The following TUBB8B variants were observed in gnomAD, a reference collection of about 807,000 sequenced individuals.
TUBB8B encodes the protein HSA18p11 beta-tubulin 4Q pseudogene.
TUBB8B carries 26 observed loss-of-function variants against 31.9 expected under a neutral mutation model. The observed-to-expected ratio is 0.81, with a 90% CI of 0.60 to 1.13. The LOEUF (loss-of-function observed/expected upper bound fraction) is 1.13, where lower values mean the gene tolerates loss of function less well. TUBB8B is among the 50% of genes most tolerant of loss of function. The pLI is 0.00. For synonymous variants in TUBB8B, 173 were observed against 231.0 expected (o/e 0.75, Z 2.28); for missense variants, 467 against 586.7 (o/e 0.80, Z 2.11).
At chr18:50,867 CAATT>C (rs1405251013), upstream of TUBB8B, among the ~76,000 whole-genome samples, 1 of 152,006 alleles carries the variant, frequency 6.6e-6, no homozygotes, top group Non-Finnish European at 1.5e-5. Flanking sequence ...ATGTCCTCTG[CAATT>C]AATTATAGTC....
the TUBB8B span, among the ~76,000 whole-genome samples, chr18:57,829 GGT>G: frequency 3.2e-3 from 486 of 151,972 alleles, 1 homozygote; most frequent in African/African-American, 0.011. Context: ...TTGAAGTAAA[GGT>G]GGAGGCTCCC....
At chr18:71,448 G>A in the TUBB8B span, among the ~76,000 whole-genome samples, 1 of 151,618 alleles carries the variant, frequency 6.6e-6, no homozygotes, top group Non-Finnish European at 1.5e-5. Context: ...TCAGGAGGCT[G>A]AGGTAGGAGA....
upstream of TUBB8B, chr18:49,916 CG>C (rs1406123861): frequency 6.1e-6 from 3 of 488,092 alleles, no homozygotes; most frequent in Middle Eastern, 6.0e-4. Flanking sequence ...TCCATATGCA[CG>C]GAGTGCCTTT....
At chr18:67,427 A>G in the TUBB8B span, among the ~76,000 whole-genome samples, 968 of 152,270 alleles carry the variant, frequency 6.4e-3, 6 homozygotes, top group Middle Eastern at 0.014. Flanking sequence ...TTCAGCATCA[A>G]TCTCCTGGGC....
At chr18:62,227 T>C in the TUBB8B span, among the ~76,000 whole-genome samples, 1 of 151,640 alleles carries the variant, frequency 6.6e-6, no homozygotes, top group African/African-American at 2.4e-5. Flanking sequence ...TTCCATTGAA[T>C]GTTATTTGTG....
Position 47,483 on chromosome 18 carries a change from G to A in TUBB8B, c.1242C>T (p.Asn414=), listed in dbSNP as rs1350309804. 3.9e-6 allele frequency: 6 copies of A among 1,535,286 alleles called. No homozygotes were observed. Among genetic ancestry groups the A allele is most frequent in the Non-Finnish European group, 5.4e-6 (6 of 1,111,454 alleles). Residue 414 remains asparagine (N), a synonymous_variant, in exon 4 of 4, where the codon AAC becomes AAT. Transcript: ENST00000308911. ...DEMEFTEAES[N]MNDLVSEYQQ... ...GATATTCAGACACCAGGTCGTTCAT[G>A]TTGCTCTCGGCCTCGGTGAATTCCA...
the TUBB8B span, among the ~76,000 whole-genome samples, chr18:65,713 G>A: frequency 6.6e-6 from 1 of 152,082 alleles, no homozygotes; most frequent in African/African-American, 2.4e-5. Context: ...ACAAATAGGA[G>A]AGAAAAGGAA....
chr18:60,925 T>A, the TUBB8B span, among the ~76,000 whole-genome samples: 3 of 151,800 alleles, frequency 2.0e-5, no homozygotes, highest in Non-Finnish European at 4.4e-5. Flanking sequence ...CAATGTGTAT[T>A]CTGCAGCTGT....
At chr18:73,022 G>A in the TUBB8B span, among the ~76,000 whole-genome samples, 1 of 152,000 alleles carries the variant, frequency 6.6e-6, no homozygotes, top group Admixed American at 6.6e-5. Context: ...CTGTTTCCTC[G>A]ACCTCAGGCT....
rs777749325 is a variant in TUBB8B, at chr18:49,153, T to TGGGGGGGA, written c.141_142insTCCCCCCC (p.Asn48SerfsTer68). On this transcript the variant is annotated frameshift_variant, in exon 2 of 4. Transcript: ENST00000308911. LOFTEE classifies it high-confidence loss of function. ...CCGCTGGCCTCGTGGTGGTGCACGT[T>TGGGGGGGA]GATGCGCTCCAGCTGCAGGTGGCTG... The TGGGGGGGA allele has an allele frequency of 6.9e-7, 1 of 1,450,694 alleles. No homozygotes were observed. The highest frequency in any genetic ancestry group is 1.2e-5 in the South Asian group (1 of 81,856). The allele number at this position is 1,450,694 out of a possible 1,614,324, so 89.9% of individuals were successfully genotyped here. A position where few individuals can be genotyped will look rare whatever the true frequency, so the allele number is the denominator to read the frequency against.
the TUBB8B span, among the ~76,000 whole-genome samples, chr18:65,105 C>G: frequency 6.6e-6 from 1 of 151,886 alleles, no homozygotes; most frequent in Non-Finnish European, 1.5e-5. Context: ...GTTTGAGACC[C>G]GTCTTGCCAA....
At chr18:64,814 C>T in the TUBB8B span, among the ~76,000 whole-genome samples, 1 of 152,120 alleles carries the variant, frequency 6.6e-6, no homozygotes. Flanking sequence ...CCTCATCAAA[C>T]TCTTCCCCGC....
At chr18:56,376 T>TA in the TUBB8B span, among the ~76,000 whole-genome samples, 38 of 151,988 alleles carry the variant, frequency 2.5e-4, 2 homozygotes, top group East Asian at 6.9e-3. Context: ...GTTATTTTGA[T>TA]AGAGATGGCA....
At position 47,789 on chromosome 18, in the gene TUBB8B, C is replaced by T. The variant is rs774084951; in HGVS notation, c.936G>A (p.Thr312=). The T allele has an allele frequency of 3.4e-5, 55 of 1,611,530 alleles. No individual in the cohort carries two copies. Among genetic ancestry groups the T allele is most frequent in the Admixed American group, 6.7e-5 (4 of 59,984 alleles). The stretch of plus-strand genomic sequence containing the variant: ...TGCGACCCCTGAAAATGGCAGCCAC[C>T]GTTAGGTAGCAGCCGTGACGGGGGT... ...ACDPRHGCYL[T]VAAIFRGRMP... Residue 312 remains threonine (T), a synonymous_variant, in exon 4 of 4, where the codon ACG becomes ACA. Coordinates refer to ENST00000308911, the MANE Select transcript of TUBB8B (RefSeq NM_001358689.2).
At chr18:70,002 C>G in the TUBB8B span, among the ~76,000 whole-genome samples, 1 of 151,888 alleles carries the variant, frequency 6.6e-6, no homozygotes. Flanking sequence ...ACTAAAAATA[C>G]AATAATCAGC....
In TUBB8B at chr18:49,600, G is replaced by C. The variant is rs1235176106; in HGVS notation, c.-43C>G. The C allele has an allele frequency of 5.2e-6, 4 of 769,744 alleles. No individual in the cohort carries two copies. Among genetic ancestry groups the C allele is most frequent in the African/African-American group, 1.7e-5 (1 of 57,734 alleles). The allele number at this position is 769,744 out of a possible 1,614,324, so 47.7% of individuals were successfully genotyped here. ...GGCGGCAGCAGAAGCGCGAGAAGGAGGAGCAGACGCGCAGCGACCCAGCCC... is the reference window on the plus strand; with the variant it reads ...GGCGGCAGCAGAAGCGCGAGAAGGACGAGCAGACGCGCAGCGACCCAGCCC... On this transcript the variant is annotated 5_prime_UTR_variant, in exon 1 of 4. Transcript: ENST00000308911.
In TUBB8B at chr18:47,720, A is replaced by T. The variant is rs1181943594; in HGVS notation, c.1005T>A (p.Asp335Glu). The change falls in exon 4 of 4, where the codon GAT becomes GAA. Residue 335 changes from aspartate to glutamate, a missense_variant. By Grantham distance (45) the Asp-to-Glu change is conservative (BLOSUM62 2). Coordinates refer to ENST00000308911, the MANE Select transcript of TUBB8B (RefSeq NM_001358689.2). ...AGTCAGCAAAGTAGCTGCTGTTCTT[A>T]TCTTGAATGTTGAACATTTGTTCAT... ...EVDEQMFNIQ[D>E]KNSSYFADWF... The T allele has an allele frequency of 1.2e-6, 2 of 1,611,248 alleles. No individual in the cohort carries two copies. Among genetic ancestry groups the T allele is most frequent in the Non-Finnish European group, 1.7e-6 (2 of 1,178,896 alleles).
At chr18:71,569 TAAAAAAAAAAAAA>T in the TUBB8B span, among the ~76,000 whole-genome samples, 6 of 57,644 alleles carry the variant, frequency 1.0e-4, no homozygotes, top group South Asian at 8.1e-4. Flanking sequence ...AAAAAAAATT[TAAAAAAAAAAAAA>T]AAAAAAAAAA....
chr18:61,980 T>G, the TUBB8B span, among the ~76,000 whole-genome samples: 1 of 151,976 alleles, frequency 6.6e-6, no homozygotes, highest in South Asian at 2.1e-4. Context: ...CTTTTTTCTT[T>G]CAGGCTCAGA....
Sources: allele counts gnomAD v4.1 joint callset (sites outside exome capture counted in the v4.1 genomes callset), GRCh38; gene constraint gnomAD v4.1.1; transcripts MANE v1.5; gene names NCBI Gene and HGNC (gene_info 2026-07-23, HGNC 2026-07-21).